Variants in LINGO2 observed in about 807,000 individuals in gnomAD.
LINGO2 encodes the protein leucine rich repeat and Ig domain containing 2, also known as leucine-rich repeat and immunoglobulin-like domain-containing nogo receptor-interacting protein 2.
In LINGO2, 14 loss-of-function variants were observed where a neutral mutation model predicts 30.6. The ratio of observed to expected loss-of-function variants is 0.46; its 90% CI spans 0.30 to 0.72. The LOEUF is 0.72. Ranked by LOEUF, LINGO2 falls within the 30% of genes least tolerant of loss-of-function variation. LINGO2 has a pLI of 0.07. For synonymous variants in LINGO2, 317 were observed against 288.5 expected, an observed-to-expected ratio of 1.10 and a Z score of -1.00; for missense variants, 729 against 751.7, an observed-to-expected ratio of 0.97 and a Z score of 0.35.
chr9:29,109,623 G>A, the LINGO2 span, among the ~76,000 whole-genome samples: 1 of 152,044 alleles, frequency 6.6e-6, no homozygotes, highest in African/African-American at 2.4e-5. Flanking sequence ...TACTGTACAG[G>A]GTATTAAAAG....
At chr9:28,656,183 T>A (rs1234251750) in intron 1 of LINGO2, among the ~76,000 whole-genome samples, 2 of 152,042 alleles carry the variant, frequency 1.3e-5, no homozygotes, top group Non-Finnish European at 2.9e-5. Flanking sequence ...ATGAAACATG[T>A]TTCCTAAATA....
At chr9:29,075,519 C>T in the LINGO2 span, among the ~76,000 whole-genome samples, 5 of 152,052 alleles carry the variant, frequency 3.3e-5, no homozygotes, top group African/African-American at 9.7e-5. Context: ...TCTTTTATTT[C>T]GAATTCTTCT....
the LINGO2 span, among the ~76,000 whole-genome samples, chr9:28,927,427 G>A: frequency 2.6e-5 from 4 of 152,152 alleles, no homozygotes; most frequent in Admixed American, 2.0e-4. Context: ...ATAAACCCAT[G>A]TAATATCTAC....
At chr9:29,068,264 T>C in the LINGO2 span, among the ~76,000 whole-genome samples, 3 of 151,770 alleles carry the variant, frequency 2.0e-5, no homozygotes, top group Non-Finnish European at 4.4e-5. Flanking sequence ...CAGAGATATA[T>C]CAGTAGGCAA....
At chr9:28,056,038 G>C (rs187011040) in intron 4 of LINGO2, among the ~76,000 whole-genome samples, 2 of 152,228 alleles carry the variant, frequency 1.3e-5, no homozygotes, top group African/African-American at 4.8e-5. Flanking sequence ...TAAGACAAAA[G>C]AAACTATTTT....
chr9:28,484,274 T>C (rs886946243), intron 1 of LINGO2, among the ~76,000 whole-genome samples: 2 of 152,012 alleles, frequency 1.3e-5, no homozygotes, highest in African/African-American at 2.4e-5. Context: ...GGAGGGCCCA[T>C]AATGTGGTTC....
chr9:28,308,449 T>G (rs1824463247), intron 3 of LINGO2, among the ~76,000 whole-genome samples: 3 of 145,146 alleles, frequency 2.1e-5, no homozygotes, highest in African/African-American at 7.6e-5. Context: ...ATTAAAGACT[T>G]AAATGTTAGA....
intron 2 of LINGO2, among the ~76,000 whole-genome samples, chr9:28,435,741 A>G (rs1328529218): frequency 6.6e-6 from 1 of 152,218 alleles, no homozygotes; most frequent in Non-Finnish European, 1.5e-5. Flanking sequence ...AATGAGTATC[A>G]GACTAAGAAG....
chr9:28,576,841 A>G (rs538967642), intron 1 of LINGO2, among the ~76,000 whole-genome samples: 5 of 152,198 alleles, frequency 3.3e-5, no homozygotes, highest in African/African-American at 9.7e-5. Context: ...TTTTCAAATG[A>G]TATTTCAAGC....
At position 28,105,436 on chromosome 9, in the gene LINGO2, T is replaced by C. The variant is rs968891038; in HGVS notation, c.-86-93031A>G. ...CATTCTACTCTGGGGAGATAAATCA[T>C]GATAGTGAAAACTAAACAGATAAAT... On this transcript the variant is annotated intron_variant, in intron 4 of 5. Transcript: ENST00000379992. Among the ~76,000 whole-genome samples, 4 of 152,288 alleles carry C rather than the reference T, an allele frequency of 2.6e-5. No individual in the cohort carries two copies. In the East Asian group the frequency reaches 7.7e-4, roughly 29 times the overall value.
chr9:28,501,094 CAAAT>C lies in LINGO2; in HGVS notation c.-364-25073_-364-25070del, dbSNP rs576680653. Among the ~76,000 whole-genome samples, 1,206 of 152,010 alleles carry C rather than the reference CAAAT, an allele frequency of 7.9e-3. 13 individuals carry two copies. The highest frequency in any genetic ancestry group is 0.027 in the African/African-American group (1,125 of 41,494). Reference sequence around the variant, plus strand: ...TGCTAAAGGATATATACTAGCAAAACAAATAAAAAAAGATTTCTATATCAAGAAA... The same window carrying C: ...TGCTAAAGGATATATACTAGCAAAACAAAAAAAGATTTCTATATCAAGAAA... On this transcript the variant is annotated intron_variant, in intron 1 of 5. Coordinates refer to ENST00000379992, the Ensembl canonical transcript of LINGO2.
At chr9:28,054,706 ATAAGTT>A (rs925708489) in intron 4 of LINGO2, among the ~76,000 whole-genome samples, 27 of 152,226 alleles carry the variant, frequency 1.8e-4, no homozygotes, top group African/African-American at 6.0e-4. Flanking sequence ...ATTATAGTAA[ATAAGTT>A]TAAGTTAAAA....
intron 4 of LINGO2, among the ~76,000 whole-genome samples, chr9:28,261,083 ATT>A (rs1822548508): frequency 6.6e-6 from 1 of 151,958 alleles, no homozygotes; most frequent in South Asian, 2.1e-4. Flanking sequence ...TTACTGCTTA[ATT>A]ACTGTGTAGT....
chr9:28,909,786 A>T, the LINGO2 span, among the ~76,000 whole-genome samples: 1 of 152,078 alleles, frequency 6.6e-6, no homozygotes, highest in Non-Finnish European at 1.5e-5. Context: ...ACTCCAAGTG[A>T]ATGTAAAACT....
the LINGO2 span, among the ~76,000 whole-genome samples, chr9:28,810,561 T>G: frequency 1.3e-5 from 2 of 152,198 alleles, no homozygotes; most frequent in African/African-American, 2.4e-5. Flanking sequence ...GTGCTGTGAT[T>G]TAATGATGTT....
At chr9:28,849,122 A>G in the LINGO2 span, among the ~76,000 whole-genome samples, 1 of 152,000 alleles carries the variant, frequency 6.6e-6, no homozygotes, top group Non-Finnish European at 1.5e-5. Context: ...CTATGTGTAG[A>G]TCTTCCACTA....
intron 1 of LINGO2, among the ~76,000 whole-genome samples, chr9:28,629,514 C>G (rs932639624): frequency 2.0e-5 from 3 of 151,866 alleles, no homozygotes; most frequent in Admixed American, 6.6e-5. Context: ...ATGTTTTGCC[C>G]ATCTTTGAAT....
chr9:28,268,000 AG>A (rs1822814019), intron 4 of LINGO2, among the ~76,000 whole-genome samples: 1 of 152,110 alleles, frequency 6.6e-6, no homozygotes, highest in African/African-American at 2.4e-5. Context: ...ATTATGAGAA[AG>A]TACTCAGAAT....
At chr9:28,797,359 T>TAGAGAGAGAGAGAGAGAGAG in the LINGO2 span, among the ~76,000 whole-genome samples, 30 of 34,204 alleles carry the variant, frequency 8.8e-4, 1 homozygote, top group South Asian at 6.0e-3. Context: ...TATATATATA[T>TAGAGAGAGAGAGAGAGAGAG]AGAGAGAGAG....
Sources: allele counts gnomAD v4.1 joint callset (sites outside exome capture counted in the v4.1 genomes callset), GRCh38; gene constraint gnomAD v4.1.1; transcripts MANE v1.5; gene names NCBI Gene and HGNC (gene_info 2026-07-23, HGNC 2026-07-21).